Variants in MTM1 observed in about 807,000 individuals in gnomAD.
MTM1 encodes myotubularin.
MTM1 carries 9 observed loss-of-function variants against 52.1 expected under a neutral mutation model. The ratio of observed to expected loss-of-function variants is 0.17; its 90% CI spans 0.10 to 0.30. The LOEUF (loss-of-function observed/expected upper bound fraction) is 0.30, where lower values mean the gene tolerates loss of function less well. Ranked by LOEUF, MTM1 falls within the 10% of genes least tolerant of loss-of-function variation. The pLI, the probability that MTM1 is intolerant of heterozygous loss-of-function variation, is 1.00. For synonymous variants in MTM1, 136 were observed against 163.8 expected (o/e 0.83, Z 1.29); for missense variants, 277 against 470.7 (o/e 0.59, Z 3.81).
At chrX:150,619,798 G>T (rs1557413241) in intron 6 of MTM1, among the ~76,000 whole-genome samples, 1 of 111,477 alleles carries the variant, frequency 9.0e-6, no homozygotes, top group Non-Finnish European at 1.9e-5. Flanking sequence ...CTTGAACTTA[G>T]ATGCAAATAC....
rs782761570 is a variant in MTM1, at chrX:150,641,380, C to T, written c.640C>T (p.Arg214Trp). ...VPYRASDDDL[R>W]RVATFRSRNR... ...GTATCGTGCCTCAGATGATGACCTC[C>T]GGAGAGTTGCAACTTTTAGGTCCCG... is the stretch of plus-strand genomic sequence containing the variant. The change falls in exon 8 of 15, where the codon CGG becomes TGG. Residue 214 changes from arginine to tryptophan, a missense_variant. Transcript: ENST00000370396. The T allele has an allele frequency of 1.2e-5, 15 of 1,211,464 alleles. No individual in the cohort carries two copies. The highest frequency in any genetic ancestry group is 2.2e-5 in the Admixed American group (1 of 46,019).
intron 6 of MTM1, among the ~76,000 whole-genome samples, chrX:150,630,045 C>T (rs1251301811): frequency 1.8e-5 from 2 of 112,172 alleles, no homozygotes; most frequent in East Asian, 2.8e-4. Context: ...TATATGGTAA[C>T]GTAACACAGG....
chrX:150,660,267 G>T (rs782077429), intron 12 of MTM1, 104 bp from the exon 13 acceptor site: 1 of 528,581 alleles, frequency 1.9e-6, no homozygotes, highest in South Asian at 2.6e-5. Context: ...CCTTCCTAGA[G>T]CCCTACAATG....
At position 150,642,324 on chromosome X, in the gene MTM1, C is replaced by T. The variant is rs782339647; in HGVS notation, c.678+906C>T. Among the ~76,000 whole-genome samples, 204 of 111,855 alleles carry T rather than the reference C, an allele frequency of 1.8e-3. 1 individual carries two copies. The highest frequency in any genetic ancestry group is 3.0e-3 in the Non-Finnish European group (162 of 53,148). ...GTTCTCAGTGCACCACCTTAGGAGA[C>T]ATGCTGTTGATTTGTCCCGTTATTA... On this transcript the variant is annotated intron_variant, in intron 8 of 14. Transcript: ENST00000370396.
At chrX:150,631,754 A>G (rs137877982) in intron 6 of MTM1, among the ~76,000 whole-genome samples, 7,247 of 107,106 alleles carry the variant, frequency 0.068, 193 homozygotes, top group Non-Finnish European at 0.077. Flanking sequence ...AGATTTAAGT[A>G]TTTCATCTAT....
intron 1 of MTM1, among the ~76,000 whole-genome samples, chrX:150,579,000 G>A (rs1007555624): frequency 4.3e-5 from 4 of 92,773 alleles, no homozygotes; most frequent in Non-Finnish European, 8.6e-5. Context: ...GTGAGCATGC[G>A]ATATGTATCT....
At chrX:150,629,839 T>G (rs1046675548) in intron 6 of MTM1, among the ~76,000 whole-genome samples, 1 of 111,391 alleles carries the variant, frequency 9.0e-6, no homozygotes, top group East Asian at 2.8e-4. Context: ...GGTTTCAGTT[T>G]ATTGTGTCTC....
At chrX:150,580,534 C>CT (rs370685704) in intron 1 of MTM1, among the ~76,000 whole-genome samples, 2,783 of 102,146 alleles carry the variant, frequency 0.027, 94 homozygotes, top group African/African-American at 0.091. Flanking sequence ...TTATTTCTGC[C>CT]TTTTTTTTTT....
At chrX:150,668,620 G>A (rs1427753817) in intron 14 of MTM1, among the ~76,000 whole-genome samples, 1 of 110,734 alleles carries the variant, frequency 9.0e-6, no homozygotes. Context: ...CAGGAGGATC[G>A]CCTGAGCCCA....
chrX:150,639,637 A>G lies in MTM1; in HGVS notation c.528+611A>G, dbSNP rs999226445. Among the ~76,000 whole-genome samples the G allele has an allele frequency of 1.2e-4, 13 of 112,136 alleles. No individual in the cohort carries two copies. The South Asian group carries it at 4.1e-3, about 35-fold the overall frequency. ...TTCAGGAACAAAAGTCTCTTGCAGT[A>G]TTTTTGTTAAGGGAATTCTGTGCAT... On this transcript the variant is annotated intron_variant, in intron 7 of 14. Coordinates refer to ENST00000370396, the MANE Select transcript of MTM1 (RefSeq NM_000252.3).
chrX:150,592,577 T>TG, intron 1 of MTM1, 28 bp from the exon 2 acceptor site: 2 of 1,097,054 alleles, frequency 1.8e-6, no homozygotes, highest in Non-Finnish European at 2.5e-6. Flanking sequence ...CAAATTCAGT[T>TG]GATATTGAAT....
At chrX:150,658,794 A>G (rs2040171001) in intron 11 of MTM1, among the ~76,000 whole-genome samples, 2 of 112,086 alleles carry the variant, frequency 1.8e-5, no homozygotes, top group South Asian at 7.3e-4. Flanking sequence ...CCCAGGTTTC[A>G]TAGTGTGAAT....
intron 5 of MTM1, 140 bp downstream of exon 5, chrX:150,614,839 A>G: frequency 2.2e-6 from 1 of 447,967 alleles, no homozygotes; most frequent in East Asian, 3.8e-5. Context: ...TTCCCTTAAG[A>G]ACAAGCTTTT....
rs2040391681 is a variant in MTM1 at position 150,671,319 on chromosome X, G to A, written c.1645-109G>A. 3 of 901,311 alleles carry A rather than the reference G, an allele frequency of 3.3e-6. No individual in the cohort carries two copies. In the South Asian group the frequency reaches 6.2e-5, roughly 19 times the overall value. The allele number at this position is 901,311 out of a possible 1,213,427, so 74.3% of individuals were successfully genotyped here. On this transcript the variant is annotated intron_variant, in intron 14 of 14. Transcript: ENST00000370396. ...GAAAGTATGTATTATGGTAAACTTTGAGTAAAGGGCTTATTTACAAATCAG... is the reference window on the plus strand; with the variant it reads ...GAAAGTATGTATTATGGTAAACTTTAAGTAAAGGGCTTATTTACAAATCAG...
At chrX:150,565,866 C>G (rs1193910272), upstream of MTM1, among the ~76,000 whole-genome samples, 5 of 111,325 alleles carry the variant, frequency 4.5e-5, no homozygotes, top group Non-Finnish European at 9.4e-5. Flanking sequence ...AGCCTGAGGT[C>G]GCATCTATTG....
At chrX:150,633,929 G>A (rs1446400579) in intron 6 of MTM1, among the ~76,000 whole-genome samples, 1 of 112,302 alleles carries the variant, frequency 8.9e-6, no homozygotes, top group Non-Finnish European at 1.9e-5. Flanking sequence ...CAGCTACTCT[G>A]GAGGCTGAGG....
At chrX:150,569,037 C>CTG (rs1240194864) in intron 1 of MTM1, among the ~76,000 whole-genome samples, 2 of 113,584 alleles carry the variant, frequency 1.8e-5, no homozygotes, top group African/African-American at 6.4e-5. Context: ...GGCGTCCGCC[C>CTG]TGCCTCCCCG....
chrX:150,569,397 A>G (rs1042332203), intron 1 of MTM1, among the ~76,000 whole-genome samples: 1 of 113,199 alleles, frequency 8.8e-6, no homozygotes, highest in South Asian at 3.6e-4. Flanking sequence ...AATCTGCTGC[A>G]AAAATTATAT....
chrX:150,588,832 G>A (rs1193828647), intron 1 of MTM1, among the ~76,000 whole-genome samples: 1 of 111,625 alleles, frequency 9.0e-6, no homozygotes, highest in Non-Finnish European at 1.9e-5. Flanking sequence ...ACCCTGCCTG[G>A]ACCATCCTGA....
Sources: gnomAD v4.1 joint callset for allele counts (sites outside exome capture counted in the v4.1 genomes callset) on GRCh38, gnomAD v4.1.1 for gene constraint, MANE v1.5 for transcripts, NCBI Gene and HGNC (gene_info 2026-07-23, HGNC 2026-07-21) for gene names.